The following ATP8B4 variants were observed in gnomAD, a reference collection of about 807,000 sequenced individuals.
ATP8B4 encodes probable phospholipid-transporting ATPase IM.
A neutral mutation model predicts 145.6 loss-of-function variants in ATP8B4; 133 were observed. The ratio of observed to expected loss-of-function variants is 0.91; its 90% CI spans 0.79 to 1.05. The LOEUF (loss-of-function observed/expected upper bound fraction) is 1.05, where lower values mean the gene tolerates loss of function less well. Among genes scored for constraint, ATP8B4 ranks in the 50% least tolerant of loss-of-function variants. ATP8B4 has a pLI of 0.00. For missense variants in ATP8B4, 1,458 were observed against 1,425.2 expected, an observed-to-expected ratio of 1.02 and a Z score of -0.37; for synonymous variants, 507 against 492.9, an observed-to-expected ratio of 1.03 and a Z score of -0.38.
intron 1 of ATP8B4, among the ~76,000 whole-genome samples, chr15:50,162,738 C>T (rs2044540608): frequency 6.6e-6 from 1 of 151,978 alleles, no homozygotes; most frequent in Non-Finnish European, 1.5e-5. Context: ...GATCTCCTGA[C>T]CTCATGATCC....
intron 3 of ATP8B4, among the ~76,000 whole-genome samples, chr15:50,052,586 G>A (rs1255897986): frequency 6.6e-6 from 1 of 152,206 alleles, no homozygotes; most frequent in Non-Finnish European, 1.5e-5. Flanking sequence ...TTGGCCCATC[G>A]GGTCAATGAC....
intron 6 of ATP8B4, among the ~76,000 whole-genome samples, chr15:50,012,299 G>A (rs934533014): frequency 6.6e-6 from 1 of 152,170 alleles, no homozygotes; most frequent in Non-Finnish European, 1.5e-5. Flanking sequence ...TGAGTGGACA[G>A]AGAAGGCTAT....
intron 2 of ATP8B4, among the ~76,000 whole-genome samples, chr15:50,095,366 G>A (rs1322489200): frequency 6.6e-6 from 1 of 152,144 alleles, no homozygotes; most frequent in Admixed American, 6.5e-5. Context: ...AAGGTAGATG[G>A]CAGAATAAAT....
At chr15:49,909,049 G>A (rs1179414315) in intron 20 of ATP8B4, among the ~76,000 whole-genome samples, 1 of 152,094 alleles carries the variant, frequency 6.6e-6, no homozygotes, top group Non-Finnish European at 1.5e-5. Context: ...CCCTGTCCCT[G>A]CCACCACAGC....
At chr15:49,926,290 A>C (rs978341258) in intron 16 of ATP8B4, among the ~76,000 whole-genome samples, 10 of 152,126 alleles carry the variant, frequency 6.6e-5, no homozygotes, top group African/African-American at 2.2e-4. Flanking sequence ...CAGTCTTAGT[A>C]ATCAGCTTCA....
At chr15:50,126,813 A>G (rs1485360238) in intron 1 of ATP8B4, among the ~76,000 whole-genome samples, 1 of 152,180 alleles carries the variant, frequency 6.6e-6, no homozygotes, top group Non-Finnish European at 1.5e-5. Context: ...TAAAAATAAC[A>G]TCTTAACATA....
intron 2 of ATP8B4, among the ~76,000 whole-genome samples, chr15:50,085,400 A>AGGT (rs749723101): frequency 1.3e-5 from 2 of 152,182 alleles, no homozygotes; most frequent in Non-Finnish European, 2.9e-5. Context: ...AGGGGCAATC[A>AGGT]GGTGCAACTA....
chr15:50,162,668 G>A (rs945174511), intron 1 of ATP8B4, among the ~76,000 whole-genome samples: 7 of 152,008 alleles, frequency 4.6e-5, no homozygotes, highest in African/African-American at 9.7e-5. Flanking sequence ...CACCACGCCC[G>A]GCTAATTTTT....
chr15:49,898,191 T>A lies in ATP8B4; in HGVS notation c.2350A>T (p.Thr784Ser), dbSNP rs116715364. 756 of 1,613,888 alleles carry A rather than the reference T, an allele frequency of 4.7e-4. 1 individual carries two copies. The African/African-American group carries it at 7.2e-3, about 15-fold the overall frequency. Residue 784 changes from threonine (T) to serine (S), a missense_variant, in exon 22 of 28, where the codon ACT becomes TCT. Coordinates refer to ENST00000284509, the MANE Select transcript of ATP8B4 (RefSeq NM_024837.4). ...GGAGTGACCCTGCAGCAAATTACAG[T>A]CTTACACATGCAAGCAAGTTCTAGG... ...DLLELACMCKTVICCRVTPLQ... is the reference protein window; with the variant it reads ...DLLELACMCKSVICCRVTPLQ...
chr15:50,172,466 T>G (rs549485508), intron 1 of ATP8B4, among the ~76,000 whole-genome samples: 1 of 152,268 alleles, frequency 6.6e-6, no homozygotes, highest in Admixed American at 6.5e-5. Context: ...CAGGCTGGAG[T>G]GCAGCCGGCG....
chr15:49,983,673 A>G (rs1404589283), intron 10 of ATP8B4, among the ~76,000 whole-genome samples: 1 of 152,166 alleles, frequency 6.6e-6, no homozygotes, highest in Non-Finnish European at 1.5e-5. Flanking sequence ...ATTAACACAT[A>G]TACACCCCAC....
intron 16 of ATP8B4, among the ~76,000 whole-genome samples, chr15:49,925,412 C>T (rs896979994): frequency 1.3e-5 from 2 of 151,980 alleles, no homozygotes; most frequent in Non-Finnish European, 2.9e-5. Context: ...CCATGGTATA[C>T]TCATGAGAAA....
intron 3 of ATP8B4, among the ~76,000 whole-genome samples, chr15:50,049,568 T>C (rs1231138052): frequency 6.6e-6 from 1 of 152,252 alleles, no homozygotes; most frequent in East Asian, 1.9e-4. Context: ...GCATCTAGGT[T>C]GACTCCATGT....
At chr15:49,969,259 AG>A (rs1346455584) in intron 13 of ATP8B4, among the ~76,000 whole-genome samples, 1 of 152,224 alleles carries the variant, frequency 6.6e-6, no homozygotes, top group Non-Finnish European at 1.5e-5. Flanking sequence ...GCAGAAGACA[AG>A]AAATAACTAA....
chr15:50,047,578 G>T, intron 3 of ATP8B4, 114 bp from the exon 4 acceptor site: 1 of 700,760 alleles, frequency 1.4e-6, no homozygotes, highest in Non-Finnish European at 2.5e-6. Flanking sequence ...GGTTATCTAG[G>T]AAATTTCAAC....
At chr15:50,055,421 A>C (rs2052525871) in intron 3 of ATP8B4, among the ~76,000 whole-genome samples, 1 of 152,212 alleles carries the variant, frequency 6.6e-6, no homozygotes, top group Non-Finnish European at 1.5e-5. Context: ...TGTTTGTCTT[A>C]AAGAATGCAT....
At chr15:49,999,440 C>T (rs1035349831) in intron 8 of ATP8B4, among the ~76,000 whole-genome samples, 12 of 150,830 alleles carry the variant, frequency 8.0e-5, no homozygotes, top group African/African-American at 1.5e-4. Flanking sequence ...TGCTAAATGA[C>T]GAGTTAATGG....
chr15:49,901,728 C>T (rs2038054902), intron 20 of ATP8B4: 1 of 385,134 alleles, frequency 2.6e-6, no homozygotes, highest in Admixed American at 3.6e-5. Flanking sequence ...TTAAAATAGT[C>T]CTCTGAGAAA....
intron 23 of ATP8B4, chr15:49,880,363 C>T (rs2035197517): frequency 1.3e-5 from 2 of 152,112 alleles, no homozygotes; most frequent in African/African-American, 4.8e-5. Context: ...CAAGTAGGCC[C>T]CATGAAACAA....
Sources: gnomAD v4.1 joint callset for allele counts (sites outside exome capture counted in the v4.1 genomes callset) on GRCh38, gnomAD v4.1.1 for gene constraint, MANE v1.5 for transcripts, NCBI Gene and HGNC (gene_info 2026-07-23, HGNC 2026-07-21) for gene names.